The following DOK6 variants were observed in gnomAD, a reference collection of about 807,000 sequenced individuals.
The protein encoded by DOK6 is downstream of tyrosine kinase 6.
Under a neutral mutation model 44.0 loss-of-function variants are expected in DOK6, and 22 were observed. That is an observed-to-expected ratio of 0.50 (90% CI 0.36 to 0.71). The LOEUF is 0.71. DOK6 is among the 30% of genes least tolerant of loss of function. The pLI is 0.00. For synonymous variants in DOK6, 166 were observed against 145.5 expected, an observed-to-expected ratio of 1.14 and a Z score of -1.01; for missense variants, 340 against 416.4, an observed-to-expected ratio of 0.82 and a Z score of 1.60.
intron 7 of DOK6, among the ~76,000 whole-genome samples, chr18:69,813,006 A>G (rs1451009180): frequency 4.6e-5 from 7 of 152,106 alleles, no homozygotes; most frequent in Admixed American, 4.6e-4. Flanking sequence ...GTGACACATA[A>G]AAAAATAAAT....
At chr18:69,756,948 G>A (rs959550183) in intron 6 of DOK6, among the ~76,000 whole-genome samples, 1 of 152,214 alleles carries the variant, frequency 6.6e-6, no homozygotes, top group Non-Finnish European at 1.5e-5. Flanking sequence ...CATGTGTGCC[G>A]AGACTAAATA....
At chr18:69,748,600 C>G (rs917620870) in intron 6 of DOK6, among the ~76,000 whole-genome samples, 11 of 152,174 alleles carry the variant, frequency 7.2e-5, no homozygotes, top group Non-Finnish European at 1.2e-4. Context: ...GGAAATTGAA[C>G]AACCTGCTCC....
chr18:69,533,774 A>C (rs2144575405), intron 1 of DOK6, among the ~76,000 whole-genome samples: 1 of 152,178 alleles, frequency 6.6e-6, no homozygotes, highest in South Asian at 2.1e-4. Flanking sequence ...CCCTTTTTAT[A>C]ATTTCTAAAT....
chr18:69,757,895 A>C (rs1157973688), intron 7 of DOK6, 22 bp downstream of exon 7: 3 of 1,590,716 alleles, frequency 1.9e-6, no homozygotes, highest in South Asian at 1.1e-5. Context: ...TAATGTAAGA[A>C]AGCAGTGCCT....
At chr18:69,411,065 A>G (rs1344104282) in intron 1 of DOK6, among the ~76,000 whole-genome samples, 1 of 152,152 alleles carries the variant, frequency 6.6e-6, no homozygotes, top group Non-Finnish European at 1.5e-5. Flanking sequence ...TCGAAGCAAT[A>G]TATAGCACAT....
chr18:69,739,032 G>A lies in DOK6; in HGVS notation c.667G>A (p.Val223Ile), dbSNP rs1334709830. The stretch of plus-strand genomic sequence containing the variant: ...GGAAGGAGAAATGATCTATCAGAAG[G>A]TTCATTCTGCGACACTGGCCATAGC... The part of the protein sequence containing the change: ...TREGEMIYQK[V>I]HSATLAIAEQ... Residue 223 changes from valine to isoleucine, a missense_variant, in exon 6 of 8, where the codon GTT becomes ATT. Physicochemically the swap from Val to Ile is conservative, Grantham distance 29. This residue lies in a region of DOK6 where 22 missense variants were observed against 48.6 expected (regional missense o/e 0.45). Coordinates refer to ENST00000382713, the MANE Select transcript of DOK6 (RefSeq NM_152721.6). The A allele has an allele frequency of 6.2e-7, 1 of 1,613,986 alleles. No individual in the cohort carries two copies. The highest frequency in any genetic ancestry group is 1.3e-5 in the African/African-American group (1 of 74,918).
chr18:69,668,312 A>G (rs1306297827), intron 3 of DOK6, among the ~76,000 whole-genome samples: 3 of 151,850 alleles, frequency 2.0e-5, no homozygotes, highest in Non-Finnish European at 4.4e-5. Flanking sequence ...ATTTTACTCA[A>G]TGCCTCTTAA....
At chr18:69,518,152 A>G (rs960017692) in intron 1 of DOK6, among the ~76,000 whole-genome samples, 1 of 152,194 alleles carries the variant, frequency 6.6e-6, no homozygotes, top group African/African-American at 2.4e-5. Flanking sequence ...TAATTTTGGG[A>G]AAGCATTGCC....
chr18:69,433,925 C>T (rs773442690), intron 1 of DOK6, among the ~76,000 whole-genome samples: 22 of 152,120 alleles, frequency 1.4e-4, no homozygotes, highest in African/African-American at 2.9e-4. Context: ...GTTTTCCCAA[C>T]GCATGGCTAA....
At position 69,554,093 on chromosome 18, in the gene DOK6, A is replaced by C. The variant is rs570328221; in HGVS notation, c.67-10394A>C. On this transcript the variant is annotated intron_variant, in intron 1 of 7. Transcript: ENST00000382713. ...GCATAACATCTGCATAAACTTCAAC[A>C]TGTGATATTTTTAAACTTAAAAAAA... Among the ~76,000 whole-genome samples, 3 of 152,290 alleles carry C rather than the reference A, an allele frequency of 2.0e-5. No homozygotes were observed. In the East Asian group the frequency reaches 5.8e-4, roughly 29 times the overall value.
At chr18:69,569,829 G>A (rs539337580) in intron 2 of DOK6, among the ~76,000 whole-genome samples, 23 of 152,058 alleles carry the variant, frequency 1.5e-4, no homozygotes, top group African/African-American at 3.9e-4. Flanking sequence ...AATGTTGTAC[G>A]TATACACCAT....
intron 2 of DOK6, among the ~76,000 whole-genome samples, chr18:69,587,488 C>T (rs1202870443): frequency 6.6e-6 from 1 of 152,142 alleles, no homozygotes; most frequent in Non-Finnish European, 1.5e-5. Context: ...TCCTCAATTA[C>T]ATCTACAAAG....
intron 7 of DOK6, chr18:69,777,937 A>T (rs12953478): frequency 6.6e-6 from 1 of 151,974 alleles, no homozygotes; most frequent in Non-Finnish European, 1.5e-5. Flanking sequence ...AGTTGCAAGA[A>T]ATCCGAGAAC....
chr18:69,764,331 A>G (rs1448905220), intron 7 of DOK6, among the ~76,000 whole-genome samples: 3 of 152,176 alleles, frequency 2.0e-5, no homozygotes, highest in African/African-American at 7.2e-5. Flanking sequence ...TCTCTGATGT[A>G]TGATGATATG....
intron 7 of DOK6, among the ~76,000 whole-genome samples, chr18:69,761,479 C>T (rs931010864): frequency 2.0e-5 from 3 of 152,160 alleles, no homozygotes; most frequent in Non-Finnish European, 2.9e-5. Flanking sequence ...ACATTTCTCA[C>T]CTCAAGAGTC....
rs115332087 is a variant in DOK6 at position 69,810,850 on chromosome 18, G to A, written c.857-30394G>A. Among the ~76,000 whole-genome samples, 558 of 152,112 alleles carry A rather than the reference G, an allele frequency of 3.7e-3. 4 individuals carry two copies. The highest frequency in any genetic ancestry group is 0.013 in the African/African-American group (529 of 41,526). On this transcript the variant is annotated intron_variant, in intron 7 of 7. Transcript: ENST00000382713. ...AGGAACCCCTTGCACAACTGCTAAT[G>A]GGAATGTAAATTAGTAAAGCCATTA... is the stretch of plus-strand genomic sequence containing the variant.
chr18:69,829,461 A>T (rs1223137883), intron 7 of DOK6, among the ~76,000 whole-genome samples: 1 of 152,122 alleles, frequency 6.6e-6, no homozygotes, highest in Non-Finnish European at 1.5e-5. Context: ...TGAGGGAAAG[A>T]GTAAAGAACT....
chr18:69,442,593 T>C (rs1167099211), intron 1 of DOK6, among the ~76,000 whole-genome samples: 2 of 152,144 alleles, frequency 1.3e-5, no homozygotes, highest in African/African-American at 4.8e-5. Flanking sequence ...ACAATTTGGA[T>C]TACAATTCAA....
At chr18:69,615,846 G>GTA (rs1568312171) in intron 3 of DOK6, among the ~76,000 whole-genome samples, 1 of 152,142 alleles carries the variant, frequency 6.6e-6, no homozygotes, top group Non-Finnish European at 1.5e-5. Context: ...AAATTGATGT[G>GTA]TTCAGTTGAA....
Sources: allele counts gnomAD v4.1 joint callset (sites outside exome capture counted in the v4.1 genomes callset), GRCh38; gene constraint gnomAD v4.1.1; regional missense constraint gnomAD v4.1.1; transcripts MANE v1.5; gene names NCBI Gene and HGNC (gene_info 2026-07-23, HGNC 2026-07-21).